Variants in PHACTR2 observed in about 807,000 individuals in gnomAD.
PHACTR2 encodes the protein phosphatase and actin regulator 2, also known as chromosome 6 open reading frame 56.
In PHACTR2, 30 loss-of-function variants were observed where a neutral mutation model predicts 76.0. That is an observed-to-expected ratio of 0.39 (90% CI 0.30 to 0.54). The LOEUF is 0.54. Ranked by LOEUF, PHACTR2 falls within the 20% of genes least tolerant of loss-of-function variation. PHACTR2 has a pLI of 0.61. For synonymous variants in PHACTR2, 292 were observed against 292.5 expected (o/e 1.00, Z 0.02); for missense variants, 696 against 781.1 (o/e 0.89, Z 1.30).
intron 5 of PHACTR2, among the ~76,000 whole-genome samples, chr6:143,762,052 G>A (rs964680628): frequency 1.2e-4 from 18 of 152,164 alleles, no homozygotes; most frequent in Non-Finnish European, 8.8e-5. Context: ...TCAGGGAGCA[G>A]CTGTCCTCAC....
In PHACTR2 at chr6:143,696,289, TTTTGGGTGGG is replaced by T. The variant is rs1474169853; in HGVS notation, c.47-15725_47-15716del. Among the ~76,000 whole-genome samples the T allele has an allele frequency of 6.6e-6, 1 of 152,182 alleles. No individual in the cohort carries two copies. The highest frequency in any genetic ancestry group is 1.5e-5 in the Non-Finnish European group (1 of 68,020). ...GACCAACGGAGAATGCAGGTAACTG[TTTTGGGTGGG>T]TATACAGGAGTTTATTTATTTCAGG... On this transcript the variant is annotated intron_variant, in intron 1 of 12. Coordinates refer to ENST00000440869, the MANE Select transcript of PHACTR2 (RefSeq NM_001100164.2). The surrounding 1 kb of genome is among the most constrained non-coding windows in gnomAD (Gnocchi z 4.1).
rs1186181080 is a variant in PHACTR2 at position 143,791,809 on chromosome 6, T to G, written c.1845+2899T>G. ...TTTTCTTGATGAAACTTTGTTATAT[T>G]TAAAAATATAATTTTTAAACTGGAT... On this transcript the variant is annotated intron_variant, in intron 11 of 12. Coordinates refer to ENST00000440869, the MANE Select transcript of PHACTR2 (RefSeq NM_001100164.2). This position sits in a 1 kb window ranked among gnomAD's most constrained non-coding sequence, Gnocchi z 4.7. 6.6e-6 allele frequency among the ~76,000 whole-genome samples: 1 copy of G among 152,200 alleles called. No individual in the cohort carries two copies. Among genetic ancestry groups the G allele is most frequent in the African/African-American group, 2.4e-5 (1 of 41,440 alleles).
intron 1 of PHACTR2, among the ~76,000 whole-genome samples, chr6:143,542,437 G>A (rs577078025): frequency 6.6e-6 from 1 of 152,210 alleles, no homozygotes; most frequent in African/African-American, 2.4e-5. Flanking sequence ...TCCTTATTAG[G>A]TCAGATTGCA....
rs1562274654 is a variant in PHACTR2 at position 143,700,747 on chromosome 6, G to T, written c.47-11269G>T. Among the ~76,000 whole-genome samples the T allele has an allele frequency of 6.6e-6, 1 of 152,140 alleles. No individual in the cohort carries two copies. The highest frequency in any genetic ancestry group is 1.5e-5 in the Non-Finnish European group (1 of 68,028). On this transcript the variant is annotated intron_variant, in intron 1 of 12. Transcript: ENST00000440869. This position sits in a 1 kb window ranked among gnomAD's most constrained non-coding sequence, Gnocchi z 4.1. Reference sequence around the variant, plus strand: ...CTTTCACTTGGCAGATTGTCCATTGGGGATATATCAGCTTTTTCTTCCTTT... The same window carrying T: ...CTTTCACTTGGCAGATTGTCCATTGTGGATATATCAGCTTTTTCTTCCTTT...
chr6:143,683,776 AT>A lies in PHACTR2; in HGVS notation c.46+5569del, dbSNP rs1777451048. On this transcript the variant is annotated intron_variant, in intron 1 of 12. Coordinates refer to ENST00000440869, the MANE Select transcript of PHACTR2 (RefSeq NM_001100164.2). The surrounding 1 kb of genome is among the most constrained non-coding windows in gnomAD (Gnocchi z 4.1). ...ATATATACATGGTAGGAAGTCAAACATTACAAGATGGTTTGGGATAAAAATG... is the reference window on the plus strand; with the variant it reads ...ATATATACATGGTAGGAAGTCAAACATACAAGATGGTTTGGGATAAAAATG... Among the ~76,000 whole-genome samples, 1 of 152,200 alleles carries A rather than the reference AT, an allele frequency of 6.6e-6. No individual in the cohort carries two copies. The highest frequency in any genetic ancestry group is 2.4e-5 in the African/African-American group (1 of 41,434).
chr6:143,677,223 T>TTATA (rs140303375), upstream of PHACTR2, among the ~76,000 whole-genome samples: 1 of 151,654 alleles, frequency 6.6e-6, no homozygotes, highest in African/African-American at 2.4e-5. Context: ...TATACACACA[T>TTATA]TATATATATA....
Position 143,537,122 on chromosome 6 carries a change from C to G in PHACTR2, c.132C>G (p.Asp44Glu). The G allele has an allele frequency of 3.2e-6, 1 of 309,832 alleles. No homozygotes were observed. Among genetic ancestry groups the G allele is most frequent in the Non-Finnish European group, 6.3e-6 (1 of 158,644 alleles). 19.2% of individuals were successfully genotyped at this position (309,832 alleles called of 1,614,324 possible). ...CTGCCCTGCGCTGGCTTCCCGGGGA[C>G]CCGAGCCCCCGCGGCCGCTCACAGA... The change falls in exon 1 of 12, where the codon GAC (aspartate) becomes GAG (glutamate). Residue 44 changes from aspartate (D) to glutamate (E), a missense_variant. Physicochemically the swap from Asp to Glu is conservative, Grantham distance 45. Transcript: ENST00000367584. This position sits in a 1 kb window ranked among gnomAD's most constrained non-coding sequence, Gnocchi z 4.4.
At chr6:143,615,563 C>A (rs1157115576) in intron 1 of PHACTR2, among the ~76,000 whole-genome samples, 1 of 151,954 alleles carries the variant, frequency 6.6e-6, no homozygotes, top group East Asian at 1.9e-4. Context: ...AAATTTATGA[C>A]AATTTATAAA....
chr6:143,685,919 G>A (rs937945162), intron 1 of PHACTR2, among the ~76,000 whole-genome samples: 14 of 152,048 alleles, frequency 9.2e-5, no homozygotes, highest in African/African-American at 3.1e-4. Context: ...ATCACCTGGG[G>A]TCAGGAGTTT....
chr6:143,724,769 T>C (rs1327892191), intron 2 of PHACTR2, among the ~76,000 whole-genome samples: 1 of 152,252 alleles, frequency 6.6e-6, no homozygotes, highest in Non-Finnish European at 1.5e-5. Flanking sequence ...TCCCTTGACC[T>C]TTCAGAAAAC....
In PHACTR2 at chr6:143,537,440, G is replaced by A. The variant is rs1338467258; in HGVS notation, c.217+233G>A. 1.3e-5 allele frequency among the ~76,000 whole-genome samples: 2 copies of A among 152,182 alleles called. No homozygotes were observed. The highest frequency in any genetic ancestry group is 4.8e-5 in the African/African-American group (2 of 41,472). On this transcript the variant is annotated intron_variant, in intron 1 of 11. Transcript: ENST00000367584. The surrounding 1 kb of genome is among the most constrained non-coding windows in gnomAD (Gnocchi z 4.4). ...CTAAAAGCAGGCGACGGCTTGGTGC[G>A]CCTTGCGGGGCGAGTGTGCAGCCTG...
Position 143,698,100 on chromosome 6 carries a change from T to C in PHACTR2, c.47-13916T>C, listed in dbSNP as rs1191414833. On this transcript the variant is annotated intron_variant, in intron 1 of 12. Coordinates refer to ENST00000440869, the MANE Select transcript of PHACTR2 (RefSeq NM_001100164.2). The surrounding 1 kb of genome is among the most constrained non-coding windows in gnomAD (Gnocchi z 4.3). ...CATGTTCAATGTTTCTTCAGACCAG[T>C]ATTGAAAATCTAAATAAAAATTATA... 1.3e-5 allele frequency among the ~76,000 whole-genome samples: 2 copies of C among 152,222 alleles called. No individual in the cohort carries two copies. The highest frequency in any genetic ancestry group is 2.4e-5 in the African/African-American group (1 of 41,452).
chr6:143,615,813 AC>A (rs1776050092), intron 1 of PHACTR2, among the ~76,000 whole-genome samples: 3 of 152,270 alleles, frequency 2.0e-5, no homozygotes, highest in Non-Finnish European at 4.4e-5. Context: ...TAGAGGGAAG[AC>A]CACAGAGTAC....
Position 143,821,375 on chromosome 6 carries a change from C to T in PHACTR2, c.1923-2299C>T, listed in dbSNP as rs1423090027. Among the ~76,000 whole-genome samples the T allele has an allele frequency of 6.6e-6, 1 of 152,208 alleles. No individual in the cohort carries two copies. The highest frequency in any genetic ancestry group is 1.5e-5 in the Non-Finnish European group (1 of 68,046). On this transcript the variant is annotated intron_variant, in intron 12 of 12. Transcript: ENST00000440869. The surrounding 1 kb of genome is among the most constrained non-coding windows in gnomAD (Gnocchi z 5.2). ...CAATTCGTGGCCCATCTCATTTCAC[C>T]TGCTCTTATTTTTTAGTTTTTCATT... is the stretch of plus-strand genomic sequence containing the variant.
Position 143,662,063 on chromosome 6 carries a change from A to C in PHACTR2, c.14-49953A>C, listed in dbSNP as rs1454974742. ...CCTGAATAAATCTTGTTTTGATGAA[A>C]GATTAAGTCAGAGCACCTGCAAGCT... On this transcript the variant is annotated intron_variant, in intron 1 of 11. Transcript: ENST00000305766. This position sits in a 1 kb window ranked among gnomAD's most constrained non-coding sequence, Gnocchi z 4.7. 6.6e-6 allele frequency among the ~76,000 whole-genome samples: 1 copy of C among 152,182 alleles called. No homozygotes were observed. The highest frequency in any genetic ancestry group is 2.4e-5 in the African/African-American group (1 of 41,456).
Position 143,811,761 on chromosome 6 carries a change from G to A in PHACTR2, c.1922+4628G>A, listed in dbSNP as rs940986734. On this transcript the variant is annotated intron_variant, in intron 12 of 12. Coordinates refer to ENST00000440869, the MANE Select transcript of PHACTR2 (RefSeq NM_001100164.2). This position sits in a 1 kb window ranked among gnomAD's most constrained non-coding sequence, Gnocchi z 4.1. ...TCCAAGACATAAAAATAATGCTTAT[G>A]ATTTTCAAGCTGTTTTCAGTAATTC... is the stretch of plus-strand genomic sequence containing the variant. Among the ~76,000 whole-genome samples, 23 of 151,966 alleles carry A rather than the reference G, an allele frequency of 1.5e-4. No individual in the cohort carries two copies. Among genetic ancestry groups the A allele is most frequent in the African/African-American group, 5.3e-4 (22 of 41,362 alleles).
chr6:143,728,646 C>T lies in PHACTR2; in HGVS notation c.214+16463C>T, dbSNP rs375672646. ...TTTGTATAAAAACAGACACATAGAC[C>T]AATGGAATAGAATAGAGAACCCAGA... On this transcript the variant is annotated intron_variant, in intron 2 of 12. Coordinates refer to ENST00000440869, the MANE Select transcript of PHACTR2 (RefSeq NM_001100164.2). Among the ~76,000 whole-genome samples, 74 of 152,160 alleles carry T rather than the reference C, an allele frequency of 4.9e-4. 2 individuals carry two copies. In the South Asian group the frequency reaches 0.014, roughly 29 times the overall value.
In PHACTR2 at chr6:143,665,811, C is replaced by T. The variant is rs116343584; in HGVS notation, c.14-46205C>T. Among the ~76,000 whole-genome samples, 739 of 152,324 alleles carry T rather than the reference C, an allele frequency of 4.9e-3. 8 individuals carry two copies. The highest frequency in any genetic ancestry group is 0.017 in the African/African-American group (694 of 41,566). The stretch of plus-strand genomic sequence containing the variant: ...AAACAAAAGCCAGATCATGTTATTA[C>T]TTTGTTCGAAACTGTCATTGCAACC... On this transcript the variant is annotated intron_variant, in intron 1 of 11. Coordinates refer to the PHACTR2 transcript ENST00000305766.
In PHACTR2 at chr6:143,548,106, A is replaced by G. The variant is rs1308250779; in HGVS notation, c.217+10899A>G. Among the ~76,000 whole-genome samples the G allele has an allele frequency of 6.6e-6, 1 of 152,196 alleles. No homozygotes were observed. The highest frequency in any genetic ancestry group is 1.9e-4 in the East Asian group (1 of 5,186). ...TTCTGGAGGCTGGAAGTTCAAGATC[A>G]AGACACTGGCAGATTCAGTGTTTGG... is the stretch of plus-strand genomic sequence containing the variant. On this transcript the variant is annotated intron_variant, in intron 1 of 11. Coordinates refer to the PHACTR2 transcript ENST00000367584. The surrounding 1 kb of genome is among the most constrained non-coding windows in gnomAD (Gnocchi z 4.5).
Sources: gnomAD v4.1 joint callset for allele counts (sites outside exome capture counted in the v4.1 genomes callset) on GRCh38, gnomAD v4.1.1 for gene constraint, Gnocchi (gnomAD v3.1) non-coding constraint, MANE v1.5 for transcripts, NCBI Gene and HGNC (gene_info 2026-07-23, HGNC 2026-07-21) for gene names.